ZNF892: variants seen among roughly 807,000 people sequenced by gnomAD.
ZNF892 encodes the protein zinc finger protein 570-like.
chr2:95,235,428 C>A, the ZNF892 span, among the ~76,000 whole-genome samples: 1 of 148,858 alleles, frequency 6.7e-6, no homozygotes, highest in African/African-American at 2.5e-5. Flanking sequence ...GTGGCGCAAT[C>A]TCGGCTCACT....
chr2:95,250,978 AAAAT>A, the ZNF892 span, among the ~76,000 whole-genome samples: 7 of 148,774 alleles, frequency 4.7e-5, no homozygotes, highest in African/African-American at 1.5e-4. Flanking sequence ...CTTATATAAA[AAAAT>A]AAATGCTTAT....
At chr2:95,249,061 G>A in the ZNF892 span, among the ~76,000 whole-genome samples, 1 of 149,648 alleles carries the variant, frequency 6.7e-6, no homozygotes, top group Middle Eastern at 3.3e-3. Context: ...GGACTGCAGG[G>A]ACCTGTCACA....
At chr2:95,242,308 T>C in the ZNF892 span, among the ~76,000 whole-genome samples, 1 of 152,190 alleles carries the variant, frequency 6.6e-6, no homozygotes, top group Non-Finnish European at 1.5e-5. Flanking sequence ...GCAGAAACCT[T>C]ACTGGCCAGA....
chr2:95,209,543 C>T, the ZNF892 span, among the ~76,000 whole-genome samples: 3 of 152,130 alleles, frequency 2.0e-5, no homozygotes, highest in African/African-American at 7.2e-5. Context: ...TTGGCAGACC[C>T]CTTGGTTCAG....
chr2:95,240,357 A>G, the ZNF892 span, among the ~76,000 whole-genome samples: 1 of 152,230 alleles, frequency 6.6e-6, no homozygotes, highest in Non-Finnish European at 1.5e-5. Flanking sequence ...CACAGAGCCA[A>G]AGGAACCCCC....
the ZNF892 span, among the ~76,000 whole-genome samples, chr2:95,220,412 A>C: frequency 2.7e-5 from 4 of 149,110 alleles, no homozygotes; most frequent in African/African-American, 9.9e-5. Context: ...CTAGAACCCG[A>C]TCTGGGATAG....
the ZNF892 span, among the ~76,000 whole-genome samples, chr2:95,234,929 CT>C: frequency 6.6e-6 from 1 of 152,126 alleles, no homozygotes; most frequent in South Asian, 2.1e-4. Flanking sequence ...GGACTTGTGG[CT>C]GGTTAGAAGG....
chr2:95,246,166 G>A, the ZNF892 span, among the ~76,000 whole-genome samples: 28 of 152,088 alleles, frequency 1.8e-4, no homozygotes, highest in African/African-American at 1.9e-4. Context: ...GGTTATCCAC[G>A]ACAATCAAGT....
At chr2:95,226,143 G>C in the ZNF892 span, among the ~76,000 whole-genome samples, 1 of 152,164 alleles carries the variant, frequency 6.6e-6, no homozygotes, top group African/African-American at 2.4e-5. Context: ...TGCCTTAGTG[G>C]GGTCTCTTTA....
At chr2:95,224,349 T>C in the ZNF892 span, among the ~76,000 whole-genome samples, 1 of 152,212 alleles carries the variant, frequency 6.6e-6, no homozygotes, top group Non-Finnish European at 1.5e-5. Context: ...TTTGAAGGTG[T>C]ATTAGCCCAT....
the ZNF892 span, among the ~76,000 whole-genome samples, chr2:95,236,129 C>G: frequency 6.6e-6 from 1 of 152,190 alleles, no homozygotes; most frequent in Admixed American, 6.5e-5. Flanking sequence ...TTAAATCTGT[C>G]TGGTCATATC....
At chr2:95,239,474 T>C in the ZNF892 span, among the ~76,000 whole-genome samples, 1 of 152,242 alleles carries the variant, frequency 6.6e-6, no homozygotes, top group African/African-American at 2.4e-5. Flanking sequence ...CCAATTGATG[T>C]GGCAAACTTC....
chr2:95,225,817 G>A, the ZNF892 span, among the ~76,000 whole-genome samples: 1 of 152,184 alleles, frequency 6.6e-6, no homozygotes, highest in Non-Finnish European at 1.5e-5. Flanking sequence ...CTCTGAGCCT[G>A]TGAAATTAAA....
chr2:95,262,674 A>G, the ZNF892 span, among the ~76,000 whole-genome samples: 1 of 152,250 alleles, frequency 6.6e-6, no homozygotes, highest in African/African-American at 2.4e-5. Context: ...GAGAAGGAGC[A>G]GGGGTTGTTG....
the ZNF892 span, among the ~76,000 whole-genome samples, chr2:95,260,850 A>G: frequency 6.6e-6 from 1 of 152,266 alleles, no homozygotes; most frequent in East Asian, 1.9e-4. Context: ...CCGGGGGTCA[A>G]TCTCAGAGGT....
chr2:95,244,465 T>C, the ZNF892 span, among the ~76,000 whole-genome samples: 5 of 151,996 alleles, frequency 3.3e-5, no homozygotes, highest in African/African-American at 1.2e-4. Flanking sequence ...CATTACGTAA[T>C]GGTAACGCAT....
chr2:95,244,335 C>G, the ZNF892 span, among the ~76,000 whole-genome samples: 13 of 138,950 alleles, frequency 9.4e-5, no homozygotes, highest in African/African-American at 3.6e-4. Context: ...CAAGAATGAT[C>G]AATTAAAAAA....
chr2:95,234,712 C>T, the ZNF892 span, among the ~76,000 whole-genome samples: 12 of 152,324 alleles, frequency 7.9e-5, no homozygotes, highest in East Asian at 1.2e-3. Context: ...TCCAACTCCA[C>T]GGGGGCCCTT....
chr2:95,239,539 C>T, the ZNF892 span, among the ~76,000 whole-genome samples: 107 of 152,240 alleles, frequency 7.0e-4, no homozygotes, highest in African/African-American at 2.4e-3. Flanking sequence ...CAGAAACCAC[C>T]GACCTGATTA....
Sources: gnomAD v4.1 joint callset for allele counts (sites outside exome capture counted in the v4.1 genomes callset) on GRCh38, gnomAD v4.1.1 for gene constraint, MANE v1.5 for transcripts, NCBI Gene and HGNC (gene_info 2026-07-23, HGNC 2026-07-21) for gene names.